Variants in CCDC30 observed in about 807,000 individuals in gnomAD.
The protein encoded by CCDC30 is coiled-coil domain-containing protein 30.
In CCDC30, 70 loss-of-function variants were observed where a neutral mutation model predicts 100.2. The observed-to-expected ratio is 0.70, with a 90% confidence interval of 0.58 to 0.85. The LOEUF (loss-of-function observed/expected upper bound fraction) is 0.85, where lower values mean the gene tolerates loss of function less well. Ranked by LOEUF, CCDC30 falls within the 40% of genes least tolerant of loss-of-function variation. The pLI is 0.00. For synonymous variants in CCDC30, 233 were observed against 269.5 expected (o/e 0.86, Z 1.33); for missense variants, 652 against 771.2 (o/e 0.85, Z 1.83).
At chr1:42,522,138 A>G (rs1644658249) in intron 6 of CCDC30, among the ~76,000 whole-genome samples, 2 of 152,198 alleles carry the variant, frequency 1.3e-5, no homozygotes, top group African/African-American at 4.8e-5. Context: ...TAAGTGTTGT[A>G]TAAATAGTTG....
chr1:42,506,236 T>C (rs1365060888), intron 6 of CCDC30, among the ~76,000 whole-genome samples: 1 of 152,250 alleles, frequency 6.6e-6, no homozygotes, highest in African/African-American at 2.4e-5. Flanking sequence ...TTTAGTGTAG[T>C]TCATGCAGTT....
chr1:42,548,745 G>A (rs1306869134), intron 6 of CCDC30, among the ~76,000 whole-genome samples: 1 of 152,152 alleles, frequency 6.6e-6, no homozygotes, highest in Non-Finnish European at 1.5e-5. Flanking sequence ...TTCATGGGTG[G>A]TCTCTATGGG....
At chr1:42,498,668 GAAAA>G in intron 5 of CCDC30, 146 bp from the exon 6 acceptor site, 13 of 401,448 alleles carry the variant, frequency 3.2e-5, no homozygotes, top group Admixed American at 9.0e-5. Flanking sequence ...TGATATGAAG[GAAAA>G]TACCATTTTT....
downstream of CCDC30, among the ~76,000 whole-genome samples, chr1:42,656,373 A>G (rs576296683): frequency 9.8e-5 from 15 of 152,306 alleles, no homozygotes; most frequent in South Asian, 3.1e-3. Context: ...GCTCACGCCT[A>G]TAATCCCAGC....
chr1:42,581,345 GT>G lies in CCDC30; in HGVS notation c.847-9del. The G allele has an allele frequency of 1.3e-6, 2 of 1,587,556 alleles. No individual in the cohort carries two copies. Among genetic ancestry groups the G allele is most frequent in the Non-Finnish European group, 1.7e-6 (2 of 1,170,792 alleles). ...TCTTCTTAATGCTTTACTTGTAAATGTTTTTTCATTCAAGATTTTGGACCTG... is the reference window on the plus strand; with the variant it reads ...TCTTCTTAATGCTTTACTTGTAAATGTTTTTCATTCAAGATTTTGGACCTG... On this transcript the variant is annotated splice_polypyrimidine_tract_variant and intron_variant, in intron 8 of 16. Coordinates refer to ENST00000668663, the Ensembl canonical transcript of CCDC30.
intron 6 of CCDC30, 102 bp from the exon 8 acceptor site, chr1:42,539,071 T>C (rs1362556669): frequency 3.1e-6 from 3 of 956,846 alleles, no homozygotes; most frequent in Non-Finnish European, 4.3e-6. Flanking sequence ...AAACAAAAAA[T>C]TTGTCAGGAC....
At chr1:42,595,072 T>G (rs1417974125) in intron 10 of CCDC30, 1 of 151,888 alleles carries the variant, frequency 6.6e-6, no homozygotes, top group Non-Finnish European at 1.5e-5. Context: ...GTAGAACCAA[T>G]GAGTCATATG....
chr1:42,479,526 C>A (rs549009599), intron 1 of CCDC30, among the ~76,000 whole-genome samples: 5 of 132,276 alleles, frequency 3.8e-5, no homozygotes, highest in East Asian at 2.6e-4. Flanking sequence ...ATAACCTTTT[C>A]AACAAATGAT....
At chr1:42,474,205 A>C (rs931307073) in intron 1 of CCDC30, among the ~76,000 whole-genome samples, 4 of 152,188 alleles carry the variant, frequency 2.6e-5, no homozygotes, top group Admixed American at 2.0e-4. Context: ...AGCATCATAG[A>C]GTGTGAACTT....
chr1:42,599,373 A>C (rs1312760985), intron 10 of CCDC30, among the ~76,000 whole-genome samples: 1 of 152,214 alleles, frequency 6.6e-6, no homozygotes, highest in Non-Finnish European at 1.5e-5. Flanking sequence ...GTATGTTATA[A>C]ATTCTAGAGC....
At chr1:42,496,941 G>C (rs910610240) in intron 4 of CCDC30, among the ~76,000 whole-genome samples, 157 bp from the exon 5 acceptor site, 2 of 152,162 alleles carry the variant, frequency 1.3e-5, no homozygotes, top group African/African-American at 4.8e-5. Flanking sequence ...TGAGAGCCTA[G>C]TGGCTCTCCT....
At chr1:42,625,189 A>G (rs1646909117) in intron 11 of CCDC30, among the ~76,000 whole-genome samples, 1 of 152,152 alleles carries the variant, frequency 6.6e-6, no homozygotes, top group Non-Finnish European at 1.5e-5. Context: ...CATAATAGCC[A>G]CTAACGATAC....
intron 6 of CCDC30, among the ~76,000 whole-genome samples, chr1:42,522,012 A>T (rs1054476766): frequency 9.2e-5 from 14 of 152,054 alleles, no homozygotes; most frequent in African/African-American, 3.4e-4. Flanking sequence ...CCCCTCACAG[A>T]TACAAAATTT....
Position 42,545,401 on chromosome 1 carries a change from AT to A in CCDC30, c.457-20891del, listed in dbSNP as rs767704942. 6.4e-7 allele frequency: 1 copy of A among 1,551,304 alleles called. No individual in the cohort carries two copies. Among genetic ancestry groups the A allele is most frequent in the East Asian group, 2.4e-5 (1 of 42,328 alleles). ...AAATAGAATATTTGTCTTTCACTTA[AT>A]TTTGCAGGTCTTGAAGCTTTCACAA... On this transcript the variant is annotated intron_variant, in intron 6 of 16. Transcript: ENST00000668663.
At chr1:42,561,342 C>G (rs1028841125) in intron 6 of CCDC30, among the ~76,000 whole-genome samples, 7 of 152,214 alleles carry the variant, frequency 4.6e-5, no homozygotes, top group Middle Eastern at 3.4e-3. Context: ...ATAAACGGAA[C>G]CAAAGACAAA....
chr1:42,491,811 T>C (rs1644148136), intron 4 of CCDC30: 2 of 340,018 alleles, frequency 5.9e-6, no homozygotes, highest in Non-Finnish European at 1.1e-5. Context: ...GGTTGATCCA[T>C]TTTCTAAGAA....
At chr1:42,593,750 A>C (rs1172361167) in intron 10 of CCDC30, 4 of 152,600 alleles carry the variant, frequency 2.6e-5, no homozygotes, top group Non-Finnish European at 5.9e-5. Flanking sequence ...GTGCCAGGAA[A>C]TAGGACAAAG....
At chr1:42,638,746 C>T (rs1647213650) in intron 12 of CCDC30, among the ~76,000 whole-genome samples, 1 of 151,998 alleles carries the variant, frequency 6.6e-6, no homozygotes, top group Non-Finnish European at 1.5e-5. Context: ...CATGGTGGCA[C>T]ATGCCTGTAA....
rs544679625 is a variant in CCDC30, at chr1:42,502,882, GCTGA to G, written c.456+3969_456+3972del. ...AATTAGTACTTTATCCCTTTCTGTG[GCTGA>G]CTATTTTATTGTATGGATTTTCTTT... On this transcript the variant is annotated intron_variant, in intron 6 of 16. Transcript: ENST00000668663. Among the ~76,000 whole-genome samples, 393 of 152,102 alleles carry G rather than the reference GCTGA, an allele frequency of 2.6e-3. 1 individual carries two copies. The highest frequency in any genetic ancestry group is 8.6e-3 in the African/African-American group (355 of 41,474).
Sources: allele counts gnomAD v4.1 joint callset (sites outside exome capture counted in the v4.1 genomes callset), GRCh38; gene constraint gnomAD v4.1.1; transcripts MANE v1.5; gene names NCBI Gene and HGNC (gene_info 2026-07-23, HGNC 2026-07-21).